The following PXDNL variants were observed in gnomAD, a reference collection of about 807,000 sequenced individuals.
PXDNL encodes the protein peroxidasin like.
PXDNL carries 145 observed loss-of-function variants against 150.8 expected under a neutral mutation model. The observed-to-expected ratio is 0.96, with a 90% confidence interval of 0.84 to 1.10. The LOEUF (loss-of-function observed/expected upper bound fraction) is 1.10. Among genes scored for constraint, PXDNL ranks in the 50% least tolerant of loss-of-function variants. PXDNL has a pLI of 0.00. For missense variants in PXDNL, 2,087 were observed against 1,873.9 expected (o/e 1.11, Z -2.10); for synonymous variants, 757 against 725.7 (o/e 1.04, Z -0.69).
intron 1 of PXDNL, among the ~76,000 whole-genome samples, chr8:51,751,837 C>T (rs1430830988): frequency 1.3e-5 from 2 of 152,178 alleles, no homozygotes; most frequent in Non-Finnish European, 2.9e-5. Flanking sequence ...CTTCTAATTT[C>T]CCCTCTTTAT....
At chr8:51,676,557 G>A (rs541470006) in intron 1 of PXDNL, among the ~76,000 whole-genome samples, 101 of 151,952 alleles carry the variant, frequency 6.6e-4, no homozygotes, top group African/African-American at 2.1e-3. Context: ...GATTACAGGC[G>A]TGAGCCACCA....
intron 1 of PXDNL, among the ~76,000 whole-genome samples, chr8:51,746,452 T>A (rs1056124236): frequency 6.6e-6 from 1 of 152,160 alleles, no homozygotes; most frequent in Admixed American, 6.5e-5. Flanking sequence ...AGGTAATGGA[T>A]AATTATAAAA....
At chr8:51,387,975 T>C (rs1807772891) in intron 17 of PXDNL, among the ~76,000 whole-genome samples, 1 of 152,166 alleles carries the variant, frequency 6.6e-6, no homozygotes, top group African/African-American at 2.4e-5. Flanking sequence ...TTATTCCCTG[T>C]AAAAAATGAC....
chr8:51,482,210 T>C (rs1201335926), intron 6 of PXDNL, among the ~76,000 whole-genome samples: 3 of 152,192 alleles, frequency 2.0e-5, no homozygotes, highest in Admixed American at 2.0e-4. Flanking sequence ...TCGTGAGACA[T>C]GGAGTCAAAG....
At chr8:51,404,476 G>A (rs1440459246) in intron 17 of PXDNL, among the ~76,000 whole-genome samples, 1 of 150,074 alleles carries the variant, frequency 6.7e-6, no homozygotes, top group Admixed American at 6.6e-5. Context: ...CATACAGAGT[G>A]CTGATTGGTG....
intron 12 of PXDNL, among the ~76,000 whole-genome samples, chr8:51,429,737 C>T (rs1809205950): frequency 7.0e-6 from 1 of 142,490 alleles, no homozygotes; most frequent in African/African-American, 2.7e-5. Flanking sequence ...GTCACCCAGG[C>T]TGGATCTTCG....
chr8:51,340,459 T>C (rs2130681325), intron 20 of PXDNL, among the ~76,000 whole-genome samples: 1 of 152,358 alleles, frequency 6.6e-6, no homozygotes, highest in Middle Eastern at 3.4e-3. Context: ...GATATCTGCA[T>C]TTCAAGTGCT....
intron 12 of PXDNL, among the ~76,000 whole-genome samples, chr8:51,431,663 T>C (rs1586101406): frequency 6.6e-6 from 1 of 152,198 alleles, no homozygotes; most frequent in East Asian, 1.9e-4. Context: ...TTCTTCTCTC[T>C]ACATTCCAAG....
intron 1 of PXDNL, among the ~76,000 whole-genome samples, chr8:51,681,453 T>C (rs1388865456): frequency 1.3e-5 from 2 of 152,216 alleles, no homozygotes; most frequent in Admixed American, 6.5e-5. Context: ...TATGTATTCA[T>C]TCTTGAGGTT....
chr8:51,356,472 G>C (rs1441765998), intron 19 of PXDNL, among the ~76,000 whole-genome samples: 3 of 144,992 alleles, frequency 2.1e-5, no homozygotes, highest in Non-Finnish European at 4.5e-5. Context: ...GGTGATAAGA[G>C]TGAAACTCCA....
intron 4 of PXDNL, among the ~76,000 whole-genome samples, chr8:51,526,131 T>C (rs1400509319): frequency 6.6e-6 from 1 of 152,192 alleles, no homozygotes; most frequent in Non-Finnish European, 1.5e-5. Context: ...AATGTGTGTG[T>C]GTCAATCACA....
At chr8:51,584,982 G>A (rs1813292776) in intron 3 of PXDNL, among the ~76,000 whole-genome samples, 1 of 152,140 alleles carries the variant, frequency 6.6e-6, no homozygotes, top group South Asian at 2.1e-4. Flanking sequence ...GTAGATTGGA[G>A]GGGAATAGAG....
chr8:51,598,713 A>G lies in PXDNL; in HGVS notation c.237-6015T>C, dbSNP rs369431126. Among the ~76,000 whole-genome samples, 3 of 151,916 alleles carry G rather than the reference A, an allele frequency of 2.0e-5. 1 individual carries two copies. Among genetic ancestry groups the G allele is most frequent in the Admixed American group, 6.6e-5 (1 of 15,250 alleles). ...GGCCTGTAGTTTCATTTTTTATTGT[A>G]TCTTTGCTAGATGTGCGTATCTAGG... is the stretch of plus-strand genomic sequence containing the variant. On this transcript the variant is annotated intron_variant, in intron 2 of 22. Coordinates refer to ENST00000356297, the MANE Select transcript of PXDNL (RefSeq NM_144651.5).
At chr8:51,803,285 T>C (rs1216883433) in intron 1 of PXDNL, among the ~76,000 whole-genome samples, 1 of 152,170 alleles carries the variant, frequency 6.6e-6, no homozygotes, top group East Asian at 1.9e-4. Flanking sequence ...AGTATCTCTC[T>C]TTGGAAACTG....
rs191998015 is a variant in PXDNL at position 51,766,796 on chromosome 8, C to T, written c.164+42385G>A. Reference sequence around the variant, plus strand: ...GATTATGGTCTTTCTAGGGATGGATCGCTGAGTTTATCCTACTTGGAGTTC... The same window carrying T: ...GATTATGGTCTTTCTAGGGATGGATTGCTGAGTTTATCCTACTTGGAGTTC... On this transcript the variant is annotated intron_variant, in intron 1 of 22. Coordinates refer to ENST00000356297, the MANE Select transcript of PXDNL (RefSeq NM_144651.5). Among the ~76,000 whole-genome samples, 26 of 151,942 alleles carry T rather than the reference C, an allele frequency of 1.7e-4. 1 individual carries two copies. The Middle Eastern group carries it at 0.014, about 80-fold the overall frequency.
intron 1 of PXDNL, among the ~76,000 whole-genome samples, chr8:51,676,489 C>A (rs1375988334): frequency 6.6e-6 from 1 of 152,082 alleles, no homozygotes; most frequent in Non-Finnish European, 1.5e-5. Context: ...GTTGGCCAGG[C>A]TGGTCTCGAA....
intron 3 of PXDNL, among the ~76,000 whole-genome samples, chr8:51,576,732 T>C (rs1218953358): frequency 6.6e-6 from 1 of 151,822 alleles, no homozygotes; most frequent in Non-Finnish European, 1.5e-5. Context: ...AAGCTGATTA[T>C]TTTAAAAAAT....
chr8:51,453,726 T>G lies in PXDNL; in HGVS notation c.1042A>C (p.Thr348Pro). ...TGGCCTGTGGCCATACATTCCAAAG[T>G]TGTGCTGGTGCCAATTAAAACCTCT... is the stretch of plus-strand genomic sequence containing the variant. ...DTEVLIGTSTTLECMATGHPH... is the reference protein window; with the variant it reads ...DTEVLIGTSTPLECMATGHPH... Residue 348 changes from threonine to proline, a missense_variant, in exon 10 of 23, where the codon ACT (threonine) becomes CCT (proline). Thr to Pro is a conservative substitution (Grantham distance 38, BLOSUM62 -1). Transcript: ENST00000356297. 1 of 1,614,038 alleles carries G rather than the reference T, an allele frequency of 6.2e-7. No homozygotes were observed. Among genetic ancestry groups the G allele is most frequent in the Non-Finnish European group, 8.5e-7 (1 of 1,179,896 alleles).
intron 4 of PXDNL, among the ~76,000 whole-genome samples, chr8:51,512,254 T>C (rs1325972962): frequency 6.6e-6 from 1 of 151,862 alleles, no homozygotes; most frequent in Non-Finnish European, 1.5e-5. Context: ...GGGGAGGAAA[T>C]AAATGTGTGA....
Sources: allele counts gnomAD v4.1 joint callset (sites outside exome capture counted in the v4.1 genomes callset), GRCh38; gene constraint gnomAD v4.1.1; transcripts MANE v1.5; gene names NCBI Gene and HGNC (gene_info 2026-07-23, HGNC 2026-07-21).